The following STAG3 variants were observed in gnomAD, a reference collection of about 807,000 sequenced individuals.
The protein encoded by STAG3 is cohesin subunit SA-3.
A neutral mutation model predicts 160.7 loss-of-function variants in STAG3; 101 were observed. The observed-to-expected ratio is 0.63, with a 90% CI of 0.54 to 0.74. STAG3 has a LOEUF of 0.74. STAG3 is among the 30% of genes least tolerant of loss of function. The pLI, the probability that STAG3 is intolerant of heterozygous loss-of-function variation, is 0.00. For missense variants in STAG3, 1,188 were observed against 1,517.4 expected, an observed-to-expected ratio of 0.78 and a Z score of 3.61; for synonymous variants, 519 against 585.0, an observed-to-expected ratio of 0.89 and a Z score of 1.63.
At position 100,199,657 on chromosome 7, in the gene STAG3, G is replaced by A; in HGVS notation, c.1677+13G>A. The A allele has an allele frequency of 6.4e-7, 1 of 1,558,580 alleles. No homozygotes were observed. Among genetic ancestry groups the A allele is most frequent in the Non-Finnish European group, 8.7e-7 (1 of 1,149,084 alleles). ...CACTGGGAGGAAGGTATGGTGTGAG[G>A]GTAGAGTGGGTAGGTCAGCAATACT... is the stretch of plus-strand genomic sequence containing the variant. On this transcript the variant is annotated intron_variant, in intron 16 of 33. Coordinates refer to ENST00000615138, the MANE Select transcript of STAG3 (RefSeq NM_001282717.2).
chr7:100,204,683 C>T lies in STAG3; in HGVS notation c.2859C>T (p.Ala953=). 6.2e-7 allele frequency: 1 copy of T among 1,614,174 alleles called. No homozygotes were observed. Among genetic ancestry groups the T allele is most frequent in the African/African-American group, 1.3e-5 (1 of 75,044 alleles). ...HGPQGLNELP[A]FIEMRDLARR... Reference sequence around the variant, plus strand: ...CCCAGGGCCTGAATGAGCTTCCTGCCTTCATCGAGATGAGGGACCTGGCCC... The same window carrying T: ...CCCAGGGCCTGAATGAGCTTCCTGCTTTCATCGAGATGAGGGACCTGGCCC... Residue 953 remains alanine (A), a synonymous_variant, in exon 27 of 34, where the codon GCC becomes GCT. Transcript: ENST00000615138.
rs1802561369 is a variant in STAG3, at chr7:100,214,175, C to T, written c.*160C>T. ...CATTGTTTTTCTAACCTAACCTTTC[C>T]CTCTGGGGTAGAGAAGCCGAGAGAC... On this transcript the variant is annotated 3_prime_UTR_variant, in exon 34 of 34. Coordinates refer to ENST00000615138, the MANE Select transcript of STAG3 (RefSeq NM_001282717.2). The T allele has an allele frequency of 4.8e-6, 5 of 1,041,330 alleles. No homozygotes were observed. In the South Asian group the frequency reaches 7.4e-5, roughly 15 times the overall value. The allele number at this position is 1,041,330 out of a possible 1,614,324, so 64.5% of individuals were successfully genotyped here.
rs142358856 is a variant in STAG3 at position 100,190,748 on chromosome 7, T to C, written c.867+1152T>C. Among the ~76,000 whole-genome samples the C allele has an allele frequency of 1.3e-3, 205 of 152,306 alleles. 1 individual carries two copies. The highest frequency in any genetic ancestry group is 4.6e-3 in the African/African-American group (192 of 41,572). ...CCTTCCTTTTAGGATAGTATTTCCTTACTTCCTTAATGTCCAACTAACTGA... is the reference window on the plus strand; with the variant it reads ...CCTTCCTTTTAGGATAGTATTTCCTCACTTCCTTAATGTCCAACTAACTGA... On this transcript the variant is annotated intron_variant, in intron 8 of 33. Coordinates refer to ENST00000615138, the MANE Select transcript of STAG3 (RefSeq NM_001282717.2).
intron 13 of STAG3, 125 bp downstream of exon 13, chr7:100,198,707 G>A: frequency 8.1e-7 from 1 of 1,232,464 alleles, no homozygotes; most frequent in Non-Finnish European, 1.2e-6. Context: ...CTTTCTTCTC[G>A]CAGCTCCTTG....
At position 100,204,115 on chromosome 7, in the gene STAG3, T is replaced by C. The variant is rs1801407852; in HGVS notation, c.2795T>C (p.Leu932Pro). ...SHCSRILLLS[L>P]KQLYTELLQE... The stretch of plus-strand genomic sequence containing the variant: ...TGTTCCCGAATCCTGCTGCTGAGCC[T>C]CAAGCAGGTGCGCCCTTCTGCCTTG... Residue 932 changes from leucine (L) to proline (P), a missense_variant, in exon 26 of 34, where the codon CTC becomes CCC. Around this residue, in one of 4 missense-constraint regions of STAG3, gnomAD observed 647 missense variants for 717.2 expected, o/e 0.90. Transcript: ENST00000615138. 6.2e-7 allele frequency: 1 copy of C among 1,613,662 alleles called. No individual in the cohort carries two copies. The highest frequency in any genetic ancestry group is 1.1e-5 in the South Asian group (1 of 91,076).
intron 4 of STAG3, among the ~76,000 whole-genome samples, chr7:100,185,916 G>A (rs1484499430): frequency 6.6e-6 from 1 of 152,176 alleles, no homozygotes; most frequent in Non-Finnish European, 1.5e-5. Context: ...TCTACCTCCT[G>A]TGCTCTGCAT....
At chr7:100,218,378 G>C (rs1802952825), downstream of STAG3, 2 of 185,306 alleles carry the variant, frequency 1.1e-5, no homozygotes, top group Non-Finnish European at 1.1e-5. Flanking sequence ...CTTATTCTAT[G>C]TATTTTCTTT....
At chr7:100,216,063 G>C (rs1335358098), downstream of STAG3, among the ~76,000 whole-genome samples, 1 of 152,176 alleles carries the variant, frequency 6.6e-6, no homozygotes, top group Non-Finnish European at 1.5e-5. Flanking sequence ...GTCCAGATGG[G>C]AGTCAGATGA....
intron 4 of STAG3, among the ~76,000 whole-genome samples, chr7:100,184,660 G>T (rs1297069915): frequency 6.6e-6 from 1 of 151,836 alleles, no homozygotes; most frequent in African/African-American, 2.4e-5. Context: ...CAGAGATGGG[G>T]TTTCACCGTG....
chr7:100,188,140 G>T (rs1427798387), intron 5 of STAG3, among the ~76,000 whole-genome samples: 9 of 152,188 alleles, frequency 5.9e-5, no homozygotes, highest in African/African-American at 2.2e-4. Context: ...CCGCTTAAGA[G>T]ATTTGTATCT....
chr7:100,179,540 T>A (rs1056821779), intron 1 of STAG3, among the ~76,000 whole-genome samples: 2 of 151,792 alleles, frequency 1.3e-5, no homozygotes, highest in African/African-American at 4.8e-5. Context: ...TTTTTTTTTT[T>A]AAAGAAAATA....
At chr7:100,186,169 A>G (rs770149317) in intron 4 of STAG3, 31 bp from the exon 5 acceptor site, 7 of 1,561,398 alleles carry the variant, frequency 4.5e-6, no homozygotes, top group African/African-American at 2.7e-5. Context: ...TATTGCCAGA[A>G]ACAGAAGTCA....
chr7:100,189,423 A>C, intron 7 of STAG3, 22 bp from the exon 8 acceptor site: 1 of 1,603,486 alleles, frequency 6.2e-7, no homozygotes, highest in Non-Finnish European at 8.5e-7. Flanking sequence ...TGATTTCTTT[A>C]TCTCTTTTTC....
rs180681003 is a variant in STAG3 at position 100,198,002 on chromosome 7, T to C, written c.1165-85T>C. The C allele has an allele frequency of 1.6e-5, 24 of 1,536,572 alleles. No individual in the cohort carries two copies. In the African/African-American group the frequency reaches 2.9e-4, roughly 18 times the overall value. On this transcript the variant is annotated intron_variant, in intron 11 of 33. Coordinates refer to ENST00000615138, the MANE Select transcript of STAG3 (RefSeq NM_001282717.2). ...CCAGCATCTGCCTCTACGTAGGCAC[T>C]CTCTTTAGGAGTCTCTGATTCTAAG...
rs1367001583 is a variant in STAG3, at chr7:100,200,330, T to TA, written c.1770+3dup. 16 of 1,613,696 alleles carry TA rather than the reference T, an allele frequency of 9.9e-6. No homozygotes were observed. Among genetic ancestry groups the TA allele is most frequent in the African/African-American group, 1.3e-5 (1 of 74,878 alleles). ...CTGCTGCCCCAGCTCCTGGCCAAGG[T>TA]ACCGCTGCCCCTCCACTCTGCATCA... On this transcript the variant is annotated splice_region_variant and intron_variant, in intron 17 of 33. Transcript: ENST00000615138.
intron 32 of STAG3, 34 bp downstream of exon 32, chr7:100,211,910 AC>A (rs1358334182): frequency 1.2e-6 from 2 of 1,602,318 alleles, no homozygotes; most frequent in Non-Finnish European, 1.7e-6. Context: ...TCTCTCAAGA[AC>A]TAGGGGCTGA....
intron 8 of STAG3, 39 bp downstream of exon 8, chr7:100,189,635 A>C (rs746521121): frequency 6.3e-7 from 1 of 1,590,518 alleles, no homozygotes; most frequent in African/African-American, 1.4e-5. Context: ...CCTTTTTCCC[A>C]ACTTGCACCC....
downstream of STAG3, among the ~76,000 whole-genome samples, chr7:100,217,979 G>C (rs1397144825): frequency 6.7e-6 from 1 of 150,356 alleles, no homozygotes; most frequent in African/African-American, 2.4e-5. Context: ...TTCCACAAGA[G>C]GTGGTGGAGC....
Position 100,200,953 on chromosome 7 carries a change from T to G in STAG3, c.2045T>G (p.Leu682Arg). 1 of 1,614,192 alleles carries G rather than the reference T, an allele frequency of 6.2e-7. No individual in the cohort carries two copies. Among genetic ancestry groups the G allele is most frequent in the Non-Finnish European group, 8.5e-7 (1 of 1,180,034 alleles). Residue 682 changes from leucine to arginine, a missense_variant, in exon 19 of 34, where the codon CTT becomes CGT. This residue lies in a region of STAG3 where 647 missense variants were observed against 717.2 expected (regional missense o/e 0.90). Transcript: ENST00000615138. ...DLLTDRFQQELEELLQSSFLD... is the reference protein window; with the variant it reads ...DLLTDRFQQEREELLQSSFLD... ...CTGACTGACCGCTTCCAGCAGGAGC[T>G]TGAAGAGCTGTTACAGGTAGGAGCT...
Sources: allele counts gnomAD v4.1 joint callset (sites outside exome capture counted in the v4.1 genomes callset), GRCh38; gene constraint gnomAD v4.1.1; regional missense constraint gnomAD v4.1.1; transcripts MANE v1.5; gene names NCBI Gene and HGNC (gene_info 2026-07-23, HGNC 2026-07-21).